Variants in PTPRT observed in about 807,000 individuals in gnomAD.
PTPRT encodes the protein receptor-type tyrosine-protein phosphatase T.
Under a neutral mutation model 176.8 loss-of-function variants are expected in PTPRT, and 56 were observed. The observed-to-expected ratio is 0.32, with a 90% CI of 0.26 to 0.40. The LOEUF is 0.40. Among genes scored for constraint, PTPRT ranks in the 10% least tolerant of loss-of-function variants. PTPRT has a pLI of 1.00. For synonymous variants in PTPRT, 783 were observed against 739.0 expected (o/e 1.06, Z -0.96); for missense variants, 1,540 against 1,908.2 (o/e 0.81, Z 3.60).
chr20:42,654,913 A>G (rs2075097675), intron 7 of PTPRT, among the ~76,000 whole-genome samples: 1 of 152,234 alleles, frequency 6.6e-6, no homozygotes, highest in African/African-American at 2.4e-5. Flanking sequence ...AGAGAAATTT[A>G]TAGATTATAT....
At chr20:42,722,306 C>A (rs2076316353) in intron 6 of PTPRT, among the ~76,000 whole-genome samples, 1 of 152,154 alleles carries the variant, frequency 6.6e-6, no homozygotes. Flanking sequence ...GTCTCCACTG[C>A]CTCACACCCA....
intron 9 of PTPRT, among the ~76,000 whole-genome samples, chr20:42,403,670 G>T (rs1020900487): frequency 3.3e-5 from 5 of 152,130 alleles, no homozygotes; most frequent in Admixed American, 1.3e-4. Context: ...CCTCTTCAAT[G>T]ACCAGATCTG....
chr20:42,213,901 A>T (rs1392794367), intron 15 of PTPRT, among the ~76,000 whole-genome samples: 1 of 152,242 alleles, frequency 6.6e-6, no homozygotes, highest in Non-Finnish European at 1.5e-5. Flanking sequence ...ACATTGGTAC[A>T]GTAGCCTGAG....
At chr20:42,306,232 C>A (rs572616132) in intron 12 of PTPRT, among the ~76,000 whole-genome samples, 1 of 152,302 alleles carries the variant, frequency 6.6e-6, no homozygotes, top group Admixed American at 6.5e-5. Flanking sequence ...CAAGGTGACA[C>A]TTGGGGAATT....
intron 8 of PTPRT, among the ~76,000 whole-genome samples, chr20:42,450,073 T>C (rs1327989023): frequency 6.6e-6 from 1 of 152,270 alleles, no homozygotes; most frequent in African/African-American, 2.4e-5. Context: ...TCTGGGGCCA[T>C]GCATTTTAAT....
intron 1 of PTPRT, among the ~76,000 whole-genome samples, chr20:43,094,283 T>C (rs947523498): frequency 3.3e-5 from 5 of 150,494 alleles, no homozygotes; most frequent in African/African-American, 1.2e-4. Flanking sequence ...AGACGGGGTT[T>C]CACCATGTTG....
chr20:42,085,695 G>C (rs769338043), intron 28 of PTPRT, 33 bp downstream of exon 28: 2 of 1,612,100 alleles, frequency 1.2e-6, no homozygotes, highest in East Asian at 2.2e-5. Flanking sequence ...TGGGGAGGAG[G>C]GGCTCAGCAA....
At chr20:43,014,594 G>T (rs1411126133) in intron 1 of PTPRT, among the ~76,000 whole-genome samples, 1 of 151,882 alleles carries the variant, frequency 6.6e-6, no homozygotes, top group Admixed American at 6.6e-5. Flanking sequence ...TGAGTTTCAG[G>T]GGGTTATTTA....
chr20:43,104,322 C>T (rs1009955533), intron 1 of PTPRT, among the ~76,000 whole-genome samples: 3 of 151,980 alleles, frequency 2.0e-5, no homozygotes, highest in African/African-American at 7.3e-5. Flanking sequence ...TTCTGCTTCC[C>T]GAACCCCCAG....
chr20:42,213,118 C>T (rs1034957427), intron 15 of PTPRT, among the ~76,000 whole-genome samples: 1 of 152,166 alleles, frequency 6.6e-6, no homozygotes, highest in African/African-American at 2.4e-5. Flanking sequence ...ATCCGCTTCA[C>T]CTGGGGATGT....
At chr20:42,510,455 G>GT (rs1052137108) in intron 7 of PTPRT, among the ~76,000 whole-genome samples, 4 of 152,016 alleles carry the variant, frequency 2.6e-5, no homozygotes, top group Non-Finnish European at 5.9e-5. Context: ...TAACGTGTGT[G>GT]TTTTTTAAAA....
At chr20:42,485,500 C>G (rs2071451178) in intron 7 of PTPRT, among the ~76,000 whole-genome samples, 1 of 152,190 alleles carries the variant, frequency 6.6e-6, no homozygotes, top group Non-Finnish European at 1.5e-5. Context: ...GCCTAAGAAG[C>G]CATGTGTAAA....
chr20:42,742,491 G>A (rs1366277076), intron 6 of PTPRT, among the ~76,000 whole-genome samples: 6 of 152,154 alleles, frequency 3.9e-5, no homozygotes, highest in Non-Finnish European at 5.9e-5. Context: ...CCCAGGCTCC[G>A]ATCTGGAGCT....
At chr20:42,846,292 C>T (rs1294805421) in intron 2 of PTPRT, among the ~76,000 whole-genome samples, 1 of 152,200 alleles carries the variant, frequency 6.6e-6, no homozygotes, top group African/African-American at 2.4e-5. Context: ...AGTTACAAGG[C>T]TTATTAAGAC....
chr20:42,717,099 A>G (rs1003818013), intron 6 of PTPRT, among the ~76,000 whole-genome samples: 1 of 152,042 alleles, frequency 6.6e-6, no homozygotes, highest in Admixed American at 6.6e-5. Flanking sequence ...TGATGAGTTA[A>G]TGGGTACAGC....
chr20:42,678,580 A>C lies in PTPRT; in HGVS notation c.860-421T>G, dbSNP rs2075549233. On this transcript the variant is annotated intron_variant, in intron 6 of 30. Coordinates refer to ENST00000373187, the MANE Select transcript of PTPRT (RefSeq NM_007050.6). Reference sequence around the variant, plus strand: ...CAGCCTCCCAAAGTGCTGGGATTACAGGCATGAGCCAACACGCCTGGCCTG... The same window carrying C: ...CAGCCTCCCAAAGTGCTGGGATTACCGGCATGAGCCAACACGCCTGGCCTG... 4.6e-5 allele frequency among the ~76,000 whole-genome samples: 7 copies of C among 152,226 alleles called. 1 individual carries two copies. The highest frequency in any genetic ancestry group is 4.6e-4 in the Admixed American group (7 of 15,288).
At chr20:42,246,801 T>C (rs556933140) in intron 14 of PTPRT, among the ~76,000 whole-genome samples, 1 of 152,328 alleles carries the variant, frequency 6.6e-6, no homozygotes, top group East Asian at 1.9e-4. Flanking sequence ...TTCAGTTCCA[T>C]TAATTTGGGT....
At chr20:42,487,486 G>C (rs1463381469) in intron 7 of PTPRT, among the ~76,000 whole-genome samples, 1 of 152,180 alleles carries the variant, frequency 6.6e-6, no homozygotes, top group Non-Finnish European at 1.5e-5. Context: ...ATGGCAAAAA[G>C]AACACTGTGA....
intron 1 of PTPRT, among the ~76,000 whole-genome samples, chr20:43,084,084 T>C (rs1007588624): frequency 2.6e-5 from 4 of 152,210 alleles, no homozygotes; most frequent in African/African-American, 9.6e-5. Flanking sequence ...ACCTGTGTCT[T>C]CCTGTGGACG....
Sources: gnomAD v4.1 joint callset for allele counts (sites outside exome capture counted in the v4.1 genomes callset) on GRCh38, gnomAD v4.1.1 for gene constraint, MANE v1.5 for transcripts, NCBI Gene and HGNC (gene_info 2026-07-23, HGNC 2026-07-21) for gene names.